The following RNF150 variants were observed in gnomAD, a reference collection of about 807,000 sequenced individuals.
The protein encoded by RNF150 is ring finger protein 150.
A neutral mutation model predicts 39.3 loss-of-function variants in RNF150; 24 were observed. That is an observed-to-expected ratio of 0.61 (90% CI 0.44 to 0.86). The LOEUF (loss-of-function observed/expected upper bound fraction) is 0.86. Ranked by LOEUF, RNF150 falls within the 40% of genes least tolerant of loss-of-function variation. The probability of loss-of-function intolerance (pLI) is 0.00; values close to 1 mark genes in which losing one functional copy is unlikely to be tolerated. For synonymous variants in RNF150, 255 were observed against 227.3 expected (o/e 1.12, Z -1.10); for missense variants, 502 against 587.8 (o/e 0.85, Z 1.51).
At chr4:141,036,318 G>A (rs928412232) in intron 1 of RNF150, among the ~76,000 whole-genome samples, 1 of 152,184 alleles carries the variant, frequency 6.6e-6, no homozygotes, top group Non-Finnish European at 1.5e-5. Context: ...CAGAAAGATA[G>A]TTGAGGGGCC....
chr4:141,091,313 A>G (rs764545027), intron 1 of RNF150, among the ~76,000 whole-genome samples: 29 of 152,216 alleles, frequency 1.9e-4, no homozygotes, highest in Non-Finnish European at 2.9e-4. Flanking sequence ...GCTAAACAGG[A>G]AGTGAGACAA....
At position 140,870,483 on chromosome 4, in the gene RNF150, T is replaced by C. The variant is rs1367930821; in HGVS notation, c.1199-2104A>G. 4.6e-5 allele frequency among the ~76,000 whole-genome samples: 7 copies of C among 151,610 alleles called. No homozygotes were observed. In the South Asian group the frequency reaches 8.4e-4, roughly 18 times the overall value. The stretch of plus-strand genomic sequence containing the variant: ...GTGTGTGTGTGTGTGTGTGTGTGTG[T>C]GCACTTCCTTTTCATTTATCTTCTC... On this transcript the variant is annotated intron_variant, in intron 6 of 6. Coordinates refer to ENST00000515673, the MANE Select transcript of RNF150 (RefSeq NM_020724.2).
At chr4:140,988,715 G>T (rs573646629) in intron 1 of RNF150, among the ~76,000 whole-genome samples, 10 of 133,104 alleles carry the variant, frequency 7.5e-5, no homozygotes, top group African/African-American at 2.8e-4. Context: ...TATGTTTATT[G>T]CAGCACTACT....
intron 1 of RNF150, among the ~76,000 whole-genome samples, chr4:141,181,915 C>T (rs1560771092): frequency 6.6e-6 from 1 of 152,096 alleles, no homozygotes; most frequent in African/African-American, 2.4e-5. Context: ...TTGGGATGTA[C>T]CTTGACTGGT....
chr4:141,058,460 A>G (rs1737080468), intron 1 of RNF150, among the ~76,000 whole-genome samples: 1 of 152,124 alleles, frequency 6.6e-6, no homozygotes, highest in Non-Finnish European at 1.5e-5. Context: ...CCCACAAAAT[A>G]TTCTGTGAAC....
chr4:141,097,898 G>A (rs1336689479), intron 1 of RNF150, among the ~76,000 whole-genome samples: 2 of 152,060 alleles, frequency 1.3e-5, no homozygotes, highest in East Asian at 3.9e-4. Context: ...AACTTTGTTA[G>A]TAGTGGTTTT....
intron 1 of RNF150, among the ~76,000 whole-genome samples, chr4:141,210,804 TA>T (rs146863007): frequency 6.6e-6 from 1 of 151,888 alleles, no homozygotes; most frequent in Non-Finnish European, 1.5e-5. Flanking sequence ...AGTGTCCAGC[TA>T]AAAAAAACCT....
chr4:140,929,532 A>C lies in RNF150; in HGVS notation c.891-3459T>G, dbSNP rs147656950. On this transcript the variant is annotated intron_variant, in intron 4 of 6. Coordinates refer to ENST00000515673, the MANE Select transcript of RNF150 (RefSeq NM_020724.2). ...CAGGCACCCACCACCACGCCCAGCTAATTTTCTGTATTTTTAGTAGAGACG... is the reference window on the plus strand; with the variant it reads ...CAGGCACCCACCACCACGCCCAGCTCATTTTCTGTATTTTTAGTAGAGACG... Among the ~76,000 whole-genome samples, 542 of 151,638 alleles carry C rather than the reference A, an allele frequency of 3.6e-3. 2 individuals are homozygous for C. Among genetic ancestry groups the C allele is most frequent in the Admixed American group, 7.6e-3 (116 of 15,236 alleles).
intron 1 of RNF150, among the ~76,000 whole-genome samples, chr4:141,050,922 C>T (rs1020502162): frequency 1.3e-5 from 2 of 152,206 alleles, no homozygotes; most frequent in African/African-American, 2.4e-5. Flanking sequence ...CCCACATTTC[C>T]CTTCTGCACT....
Position 140,861,577 on chromosome 4 carries a change from C to T in RNF150, c.*6684G>A, listed in dbSNP as rs1293693702. 2.6e-5 allele frequency: 4 copies of T among 152,212 alleles called. No homozygotes were observed. The highest frequency in any genetic ancestry group is 2.6e-4 in the Admixed American group (4 of 15,280). 9.4% of individuals were successfully genotyped at this position (152,212 alleles called of 1,614,324 possible). A position where few individuals can be genotyped will look rare whatever the true frequency, so the allele number is the denominator to read the frequency against. The stretch of plus-strand genomic sequence containing the variant: ...CTCTGCTCCTTGCAATAACATCCTA[C>T]TGAACAGTAAGTACCATGGATGCCA... On this transcript the variant is annotated 3_prime_UTR_variant, in exon 7 of 7. Transcript: ENST00000515673.
chr4:140,885,167 GTT>G (rs1229934778), intron 6 of RNF150, among the ~76,000 whole-genome samples: 1 of 146,524 alleles, frequency 6.8e-6, no homozygotes, highest in African/African-American at 2.5e-5. Context: ...GTGTACAAGA[GTT>G]TTAGTTTCTC....
intron 1 of RNF150, among the ~76,000 whole-genome samples, chr4:141,176,259 C>A (rs1036738765): frequency 3.9e-5 from 6 of 152,102 alleles, no homozygotes; most frequent in Non-Finnish European, 8.8e-5. Flanking sequence ...ATGGTATCAT[C>A]TAATTCTAAT....
At position 140,866,386 on chromosome 4, in the gene RNF150, T is replaced by G. The variant is rs1728710029; in HGVS notation, c.*1875A>C. 2 of 152,174 alleles carry G rather than the reference T, an allele frequency of 1.3e-5. No individual in the cohort carries two copies. The highest frequency in any genetic ancestry group is 2.9e-5 in the Non-Finnish European group (2 of 68,042). The allele number at this position is 152,174 out of a possible 1,614,324, so 9.4% of individuals were successfully genotyped here. On this transcript the variant is annotated 3_prime_UTR_variant, in exon 7 of 7. Transcript: ENST00000515673. ...AGCCGAGGCTTAGTAAAGCGTGTGG[T>G]TCATCTAGGATTCTCGATTCAGAGC...
intron 1 of RNF150, among the ~76,000 whole-genome samples, chr4:141,037,767 T>A (rs1488849238): frequency 3.3e-5 from 5 of 152,214 alleles, no homozygotes; most frequent in African/African-American, 1.2e-4. Flanking sequence ...TAAATTCATG[T>A]CATTTGTATA....
intron 6 of RNF150, among the ~76,000 whole-genome samples, chr4:140,878,171 T>G (rs893302792): frequency 1.4e-5 from 2 of 146,870 alleles, no homozygotes; most frequent in African/African-American, 5.2e-5. Flanking sequence ...TGTGTTTTTT[T>G]TTTTTTTTTT....
chr4:140,939,558 T>G (rs1032509844), intron 4 of RNF150, among the ~76,000 whole-genome samples: 1 of 151,888 alleles, frequency 6.6e-6, no homozygotes, highest in Non-Finnish European at 1.5e-5. Flanking sequence ...TGGATAACTC[T>G]GAAGAAAGGC....
chr4:141,074,197 C>T (rs944363422), intron 1 of RNF150, among the ~76,000 whole-genome samples: 8 of 151,778 alleles, frequency 5.3e-5, no homozygotes, highest in Non-Finnish European at 8.8e-5. Flanking sequence ...CAATATCCTG[C>T]GAGCAGAGAA....
chr4:140,947,585 G>C (rs1471134575), intron 4 of RNF150, 69 bp downstream of exon 4: 1 of 1,155,160 alleles, frequency 8.7e-7, no homozygotes, highest in Non-Finnish European at 1.3e-6. Flanking sequence ...GCAGGTCGGG[G>C]CCAGGGAGGC....
At chr4:141,201,357 T>A (rs1728287230) in intron 1 of RNF150, among the ~76,000 whole-genome samples, 1 of 152,194 alleles carries the variant, frequency 6.6e-6, no homozygotes, top group Admixed American at 6.5e-5. Context: ...TTATATGGTT[T>A]ACATGAGGCT....
Sources: gnomAD v4.1 joint callset for allele counts (sites outside exome capture counted in the v4.1 genomes callset) on GRCh38, gnomAD v4.1.1 for gene constraint, MANE v1.5 for transcripts, NCBI Gene and HGNC (gene_info 2026-07-23, HGNC 2026-07-21) for gene names.